Variants in PIGG observed in about 807,000 individuals in gnomAD.
PIGG encodes phosphatidylinositol glycan anchor biosynthesis class G (EMM blood group).
Under a neutral mutation model 83.2 loss-of-function variants are expected in PIGG, and 70 were observed. The ratio of observed to expected loss-of-function variants is 0.84; its 90% CI spans 0.69 to 1.03. The LOEUF is 1.03. Ranked by LOEUF, PIGG falls within the 50% of genes least tolerant of loss-of-function variation. The pLI is 0.00. For missense variants in PIGG, 1,257 were observed against 1,233.6 expected, an observed-to-expected ratio of 1.02 and a Z score of -0.28; for synonymous variants, 532 against 519.5, an observed-to-expected ratio of 1.02 and a Z score of -0.33.
chr4:534,412 C>T (rs1468892123), intron 12 of PIGG, among the ~76,000 whole-genome samples: 2 of 148,734 alleles, frequency 1.3e-5, no homozygotes, highest in Non-Finnish European at 2.9e-5. Flanking sequence ...TGCTGGAGCG[C>T]GCAGGACCCT....
Position 523,783 on chromosome 4 carries a change from A to C in PIGG, c.1939A>C (p.Arg647=). The C allele has an allele frequency of 6.2e-7, 1 of 1,613,836 alleles. No individual in the cohort carries two copies. Among genetic ancestry groups the C allele is most frequent in the Non-Finnish European group, 8.5e-7 (1 of 1,180,014 alleles). ...HGSPSTSEVL[R]GREKWMVLAS... ...AAGCCCCTCTACCTCCGAAGTGCTCAGAGGCCGCGAGAAGTGGATGGTGCT... is the reference window on the plus strand; with the variant it reads ...AAGCCCCTCTACCTCCGAAGTGCTCCGAGGCCGCGAGAAGTGGATGGTGCT... Residue 647 remains arginine (R), a synonymous_variant, in exon 9 of 13, where the codon AGA becomes CGA. Transcript: ENST00000453061.
intron 4 of PIGG, among the ~76,000 whole-genome samples, chr4:507,854 G>A (rs1720329276): frequency 6.6e-6 from 1 of 152,142 alleles, no homozygotes; most frequent in African/African-American, 2.4e-5. Context: ...AAGACCTTTT[G>A]TGCCACTCTC....
At chr4:502,439 A>T (rs1056401800) in intron 2 of PIGG, 1 of 152,274 alleles carries the variant, frequency 6.6e-6, no homozygotes, top group South Asian at 2.1e-4. Flanking sequence ...CCCTGCCTCC[A>T]GTCTGAGAAA....
intron 5 of PIGG, among the ~76,000 whole-genome samples, chr4:514,426 T>C (rs1723184842): frequency 6.6e-6 from 1 of 152,218 alleles, no homozygotes; most frequent in African/African-American, 2.4e-5. Flanking sequence ...CTTAAGTCTC[T>C]GTAAATCTGT....
intron 5 of PIGG, among the ~76,000 whole-genome samples, chr4:513,768 G>A (rs565658614): frequency 8.1e-4 from 123 of 152,236 alleles, no homozygotes; most frequent in Non-Finnish European, 1.5e-3. Context: ...TCAGTGGGGC[G>A]CAATCCACAG....
intron 1 of PIGG, chr4:499,707 C>T: frequency 7.2e-7 from 1 of 1,395,070 alleles, no homozygotes; most frequent in Non-Finnish European, 9.3e-7. Context: ...CTTCGACCTT[C>T]CTTCCTGATC....
At chr4:510,223 G>T (rs1867188) in intron 5 of PIGG, among the ~76,000 whole-genome samples, 23,278 of 152,142 alleles carry the variant, frequency 0.15, 2,806 homozygotes, top group African/African-American at 0.33. Flanking sequence ...ATTAGCATTG[G>T]TTCTACTGAT....
chr4:526,946 A>G, intron 9 of PIGG, 93 bp from the exon 10 acceptor site: 3 of 1,382,496 alleles, frequency 2.2e-6, no homozygotes, highest in South Asian at 1.3e-5. Flanking sequence ...AAAATCAGCT[A>G]TTTTTTAATA....
At chr4:530,767 G>T (rs748519994) in intron 11 of PIGG, 22 bp downstream of exon 11, 1 of 1,463,050 alleles carries the variant, frequency 6.8e-7, no homozygotes. Context: ...TTATTATCAT[G>T]GGTAGTAGAC....
chr4:507,293 C>T (rs570423332), intron 3 of PIGG, 112 bp from the exon 4 acceptor site: 65 of 820,862 alleles, frequency 7.9e-5, no homozygotes, highest in Admixed American at 1.9e-4. Context: ...TCCCCCAAAT[C>T]CTGTAACCTG....
At chr4:534,917 G>A (rs1279493721) in intron 12 of PIGG, among the ~76,000 whole-genome samples, 3 of 152,032 alleles carry the variant, frequency 2.0e-5, no homozygotes, top group South Asian at 2.1e-4. Flanking sequence ...GTCTCCTGGC[G>A]GTTTTGTGCA....
chr4:530,379 G>A (rs1728746065), intron 10 of PIGG, 57 bp from the exon 11 acceptor site: 3 of 1,265,610 alleles, frequency 2.4e-6, no homozygotes, highest in South Asian at 1.3e-5. Context: ...ATGGGAAAAT[G>A]TTTTTGAATT....
rs1369008304 is a variant in PIGG, at chr4:500,484, G to GT, written c.246dup (p.Gly83TrpfsTer26). The GT allele has an allele frequency of 6.2e-7, 1 of 1,613,286 alleles. No individual in the cohort carries two copies. Among genetic ancestry groups the GT allele is most frequent in the Non-Finnish European group, 8.5e-7 (1 of 1,179,360 alleles). On this transcript the variant is annotated frameshift_variant, in exon 2 of 13. Transcript: ENST00000453061. LOFTEE classifies it high-confidence loss of function. Reference sequence around the variant, plus strand: ...TAGATGCCTTGAGAGATGATTTTGTGTTTGGGTCAAAGGGTGTGAAATTTA... The same window carrying GT: ...TAGATGCCTTGAGAGATGATTTTGTGTTTTGGGTCAAAGGGTGTGAAATTTA...
chr4:517,500 G>A (rs972185874), intron 6 of PIGG, among the ~76,000 whole-genome samples: 1 of 152,146 alleles, frequency 6.6e-6, no homozygotes, highest in African/African-American at 2.4e-5. Flanking sequence ...GCTTGTGGGT[G>A]GGGGTGTTGG....
chr4:507,963 A>ACTCTCTGTTCTGTGTCACT (rs1560287133), intron 4 of PIGG, among the ~76,000 whole-genome samples: 3 of 144,006 alleles, frequency 2.1e-5, no homozygotes, highest in African/African-American at 7.8e-5. Flanking sequence ...CTTCTGTGTC[A>ACTCTCTGTTCTGTGTCACT]CTCTCTGTTC....
At chr4:537,983 GC>G (rs199696583) in intron 12 of PIGG, among the ~76,000 whole-genome samples, 2,792 of 152,056 alleles carry the variant, frequency 0.018, 39 homozygotes, top group Middle Eastern at 0.031. Flanking sequence ...TACAGGACAT[GC>G]ATGTGGGGCC....
intron 4 of PIGG, among the ~76,000 whole-genome samples, chr4:507,898 C>CTCTGTTCTGTGTCACTT (rs1420473888): frequency 2.0e-5 from 3 of 151,912 alleles, no homozygotes; most frequent in East Asian, 1.9e-4. Flanking sequence ...TTCTGTGCCA[C>CTCTGTTCTGTGTCACTT]TCTGTTCTGT....
At chr4:499,625 T>C in intron 1 of PIGG, 136 bp downstream of exon 1, 1 of 1,406,358 alleles carries the variant, frequency 7.1e-7, no homozygotes, top group East Asian at 2.7e-5. Context: ...ACCTCAGAAA[T>C]TTTTTTTAAC....
At chr4:501,517 G>C (rs1305239425) in intron 2 of PIGG, 1 of 180,732 alleles carries the variant, frequency 5.5e-6, no homozygotes, top group Non-Finnish European at 1.2e-5. Flanking sequence ...GTCTCTGACG[G>C]AGCCTTAGCT....
Sources: allele counts gnomAD v4.1 joint callset (sites outside exome capture counted in the v4.1 genomes callset), GRCh38; gene constraint gnomAD v4.1.1; transcripts MANE v1.5; gene names NCBI Gene and HGNC (gene_info 2026-07-23, HGNC 2026-07-21).